The following GALNT16 variants were observed in gnomAD, a reference collection of about 807,000 sequenced individuals.
The protein encoded by GALNT16 is polypeptide N-acetylgalactosaminyltransferase 16, also known as UDP-GalNAc:polypeptide N-acetylgalactosaminyltransferase-like protein 1.
A neutral mutation model predicts 76.1 loss-of-function variants in GALNT16; 40 were observed. The ratio of observed to expected loss-of-function variants is 0.53; its 90% CI spans 0.41 to 0.68. The LOEUF is 0.68. Among genes scored for constraint, GALNT16 ranks in the 30% least tolerant of loss-of-function variants. The pLI, the probability that GALNT16 is intolerant of heterozygous loss-of-function variation, is 0.00. For missense variants in GALNT16, 621 were observed against 731.9 expected (o/e 0.85, Z 1.75); for synonymous variants, 276 against 285.2 (o/e 0.97, Z 0.32).
At chr14:69,371,261 T>A in the GALNT16 span, among the ~76,000 whole-genome samples, 467 of 152,202 alleles carry the variant, frequency 3.1e-3, 4 homozygotes, top group African/African-American at 0.011. Context: ...GTAATTTTTT[T>A]ATTTTTTTTT....
At chr14:69,295,414 C>CAAA (rs34081669) in intron 1 of GALNT16, among the ~76,000 whole-genome samples, 19,393 of 101,318 alleles carry the variant, frequency 0.19, 2,007 homozygotes, top group East Asian at 0.47. Flanking sequence ...GACTCTGTCT[C>CAAA]AAAAAAAAAA....
At chr14:69,361,235 A>C (rs1226951274), downstream of GALNT16, among the ~76,000 whole-genome samples, 1 of 152,212 alleles carries the variant, frequency 6.6e-6, no homozygotes, top group Admixed American at 6.5e-5. Flanking sequence ...ACTCCATTCA[A>C]TGACATTTAT....
chr14:69,337,603 C>T (rs1222562904), intron 9 of GALNT16, among the ~76,000 whole-genome samples: 1 of 152,204 alleles, frequency 6.6e-6, no homozygotes, highest in African/African-American at 2.4e-5. Context: ...GAGCTCTGAC[C>T]AGGAGAAGGG....
At chr14:69,366,501 C>T in the GALNT16 span, among the ~76,000 whole-genome samples, 8 of 152,316 alleles carry the variant, frequency 5.3e-5, no homozygotes, top group South Asian at 4.1e-4. Flanking sequence ...GTTCAAGCAG[C>T]TCAAAATATT....
chr14:69,383,918 AAGG>A, the GALNT16 span, among the ~76,000 whole-genome samples: 1 of 152,144 alleles, frequency 6.6e-6, no homozygotes, highest in South Asian at 2.1e-4. Context: ...GAGGCTGAGG[AAGG>A]AGGATCACTT....
At chr14:69,273,636 A>G (rs537602352) in intron 1 of GALNT16, among the ~76,000 whole-genome samples, 2 of 152,252 alleles carry the variant, frequency 1.3e-5, no homozygotes, top group African/African-American at 2.4e-5. Flanking sequence ...TGAGGCTTAC[A>G]CTGAGCCAGA....
chr14:69,345,702 C>CTGTGTGTGTGTG lies in GALNT16; in HGVS notation c.1272-1338_1272-1337insTGTGTGTGTGTG, dbSNP rs1491322689. Among the ~76,000 whole-genome samples the CTGTGTGTGTGTG allele has an allele frequency of 5.5e-5, 3 of 54,628 alleles. No individual in the cohort carries two copies. The East Asian group carries it at 1.4e-3, about 25-fold the overall frequency. 35.8% of individuals were successfully genotyped at this position (54,628 alleles called of 152,430 possible). A position where few individuals can be genotyped will look rare whatever the true frequency, so the allele number is the denominator to read the frequency against. On this transcript the variant is annotated intron_variant, in intron 12 of 14. Coordinates refer to ENST00000448469, the MANE Select transcript of GALNT16 (RefSeq NM_001168368.2). ...CTCAGGTTTATTACCCATAAGGTGTCAGTGTGTGTGTGTGTGTGTGTGTGT... is the reference window on the plus strand; with the variant it reads ...CTCAGGTTTATTACCCATAAGGTGTCTGTGTGTGTGTGAGTGTGTGTGTGTGTGTGTGTGTGT...
chr14:69,377,922 GATTA>G, the GALNT16 span, among the ~76,000 whole-genome samples: 2 of 147,954 alleles, frequency 1.4e-5, no homozygotes, highest in African/African-American at 5.0e-5. Context: ...ACCTTCAAAT[GATTA>G]GTTAAAACAA....
At chr14:69,316,779 G>GGGT (rs548588544) in intron 1 of GALNT16, among the ~76,000 whole-genome samples, 1 of 133,972 alleles carries the variant, frequency 7.5e-6, no homozygotes, top group African/African-American at 2.7e-5. Context: ...GTCTGTGAGG[G>GGGT]GGGGGGGCAC....
chr14:69,352,281 C>A lies in GALNT16; in HGVS notation c.*113C>A. The A allele has an allele frequency of 1.0e-6, 1 of 989,392 alleles. No individual in the cohort carries two copies. The highest frequency in any genetic ancestry group is 1.5e-6 in the Non-Finnish European group (1 of 686,666). The allele number at this position is 989,392 out of a possible 1,614,324, so 61.3% of individuals were successfully genotyped here. A position where few individuals can be genotyped will look rare whatever the true frequency, so the allele number is the denominator to read the frequency against. ...CCATCTCCTCACATTTCTGCCAGGA[C>A]CATCAGCAAATACCCACCATGACAC... is the stretch of plus-strand genomic sequence containing the variant. On this transcript the variant is annotated 3_prime_UTR_variant, in exon 15 of 15. Transcript: ENST00000448469.
At chr14:69,314,696 C>A (rs149936484) in intron 1 of GALNT16, among the ~76,000 whole-genome samples, 180 of 152,314 alleles carry the variant, frequency 1.2e-3, no homozygotes, top group African/African-American at 4.2e-3. Flanking sequence ...TGCTTAGCTT[C>A]CCAGCTCTCA....
At chr14:69,300,063 G>A (rs1199441272) in intron 1 of GALNT16, among the ~76,000 whole-genome samples, 1 of 152,212 alleles carries the variant, frequency 6.6e-6, no homozygotes, top group East Asian at 1.9e-4. Context: ...CACATTTTAG[G>A]AAGGGATGTT....
intron 6 of GALNT16, among the ~76,000 whole-genome samples, chr14:69,330,727 T>G (rs1245954762): frequency 6.6e-6 from 1 of 152,270 alleles, no homozygotes; most frequent in East Asian, 1.9e-4. Context: ...AGAGGCTCTG[T>G]TCCGTGTCCC....
chr14:69,327,913 G>A (rs2045306019), intron 5 of GALNT16, among the ~76,000 whole-genome samples: 1 of 152,224 alleles, frequency 6.6e-6, no homozygotes, highest in Admixed American at 6.5e-5. Context: ...CGTCTTGTTT[G>A]ATCCTGACAG....
At chr14:69,348,349 A>T (rs1344595731) in intron 14 of GALNT16, 1 of 469,604 alleles carries the variant, frequency 2.1e-6, no homozygotes, top group African/African-American at 2.0e-5. Flanking sequence ...TTTGAAATAG[A>T]TCATCTCATC....
At chr14:69,265,063 A>C (rs1359155556) in intron 1 of GALNT16, among the ~76,000 whole-genome samples, 1 of 151,930 alleles carries the variant, frequency 6.6e-6, no homozygotes, top group Non-Finnish European at 1.5e-5. Flanking sequence ...GGATCCTCCC[A>C]CCTTGGCCTC....
intron 1 of GALNT16, among the ~76,000 whole-genome samples, chr14:69,266,192 T>C (rs1302407724): frequency 6.6e-6 from 1 of 152,204 alleles, no homozygotes; most frequent in African/African-American, 2.4e-5. Flanking sequence ...AATCAGCACC[T>C]TGCTTTGTAT....
At chr14:69,375,375 T>C in the GALNT16 span, among the ~76,000 whole-genome samples, 1 of 152,256 alleles carries the variant, frequency 6.6e-6, no homozygotes, top group Non-Finnish European at 1.5e-5. Context: ...TTGAAATGTT[T>C]AGACCATTTA....
chr14:69,315,616 C>T (rs866704740), intron 1 of GALNT16, among the ~76,000 whole-genome samples: 7 of 152,208 alleles, frequency 4.6e-5, no homozygotes, highest in Admixed American at 1.3e-4. Flanking sequence ...ATGCCAAAGA[C>T]GGGCCTGATA....
Sources: allele counts gnomAD v4.1 joint callset (sites outside exome capture counted in the v4.1 genomes callset), GRCh38; gene constraint gnomAD v4.1.1; transcripts MANE v1.5; gene names NCBI Gene and HGNC (gene_info 2026-07-23, HGNC 2026-07-21).